CCNY: variants seen among roughly 807,000 people sequenced by gnomAD.
The protein encoded by CCNY is cyclin-Y.
Under a neutral mutation model 42.8 loss-of-function variants are expected in CCNY, and 19 were observed. The observed-to-expected ratio is 0.44, with a 90% CI of 0.31 to 0.65. CCNY has a LOEUF of 0.65. Among genes scored for constraint, CCNY ranks in the 30% least tolerant of loss-of-function variants. The pLI is 0.07. For synonymous variants in CCNY, 165 were observed against 162.7 expected (o/e 1.01, Z -0.11); for missense variants, 370 against 437.3 (o/e 0.85, Z 1.37).
intron 8 of CCNY, among the ~76,000 whole-genome samples, chr10:35,553,540 A>G (rs1447333559): frequency 6.6e-6 from 1 of 152,224 alleles, no homozygotes; most frequent in Non-Finnish European, 1.5e-5. Context: ...GACTGATCAC[A>G]GAGAGGTAAT....
intron 1 of CCNY, among the ~76,000 whole-genome samples, chr10:35,391,046 G>A (rs1232482524): frequency 2.0e-5 from 3 of 152,158 alleles, no homozygotes; most frequent in African/African-American, 7.2e-5. Context: ...GTTATTGTTA[G>A]AAATGAAATG....
At chr10:35,353,794 ATGTT>A (rs1836480504) in intron 1 of CCNY, among the ~76,000 whole-genome samples, 1 of 152,252 alleles carries the variant, frequency 6.6e-6, no homozygotes, top group African/African-American at 2.4e-5. Flanking sequence ...AGTAAGAATT[ATGTT>A]TTAGGGAATT....
chr10:35,465,548 C>T (rs1589137974), intron 1 of CCNY, among the ~76,000 whole-genome samples: 1 of 152,186 alleles, frequency 6.6e-6, no homozygotes, highest in Admixed American at 6.5e-5. Flanking sequence ...AAAAGTACAA[C>T]TTCTTGTTCT....
chr10:35,433,152 C>T (rs914626777), intron 1 of CCNY, among the ~76,000 whole-genome samples: 1 of 152,058 alleles, frequency 6.6e-6, no homozygotes, highest in Non-Finnish European at 1.5e-5. Flanking sequence ...AAAGACCAGC[C>T]TGGGCAACAT....
chr10:35,257,093 A>G (rs1031182888), intron 3 of CCNY, among the ~76,000 whole-genome samples: 1 of 152,078 alleles, frequency 6.6e-6, no homozygotes, highest in East Asian at 1.9e-4. Context: ...TTGTTTCTCC[A>G]TATGGCTTCC....
At chr10:35,489,293 TTTTTG>T (rs199737189) in intron 2 of CCNY, among the ~76,000 whole-genome samples, 6 of 152,222 alleles carry the variant, frequency 3.9e-5, no homozygotes, top group African/African-American at 1.2e-4. Context: ...AAGCCTTTGT[TTTTTG>T]TTTTGTTTTG....
chr10:35,423,491 T>A (rs1218494937), intron 1 of CCNY, among the ~76,000 whole-genome samples: 1 of 148,866 alleles, frequency 6.7e-6, no homozygotes, highest in Admixed American at 6.7e-5. Flanking sequence ...AAAAAAAAAA[T>A]TCTGCTGAAA....
intron 3 of CCNY, among the ~76,000 whole-genome samples, chr10:35,281,608 C>A (rs1485689247): frequency 6.6e-6 from 1 of 152,060 alleles, no homozygotes; most frequent in East Asian, 1.9e-4. Flanking sequence ...TGGCCTTGTA[C>A]AGGAATTTTC....
chr10:35,488,424 G>C (rs1564431273), intron 2 of CCNY, among the ~76,000 whole-genome samples: 1 of 152,102 alleles, frequency 6.6e-6, no homozygotes. Flanking sequence ...TCCGAGCGCT[G>C]CCATGGCCTT....
intron 7 of CCNY, among the ~76,000 whole-genome samples, chr10:35,543,799 T>C (rs1841054541): frequency 1.3e-5 from 2 of 152,212 alleles, no homozygotes; most frequent in African/African-American, 4.8e-5. Flanking sequence ...GTGTGTATTA[T>C]TGCCTCTGGA....
At position 35,565,036 on chromosome 10, in the gene CCNY, CTGAG is replaced by C. The variant is rs1449308849; in HGVS notation, c.747-984_747-981del. ...GCTTCCTGGGGAGAACGTGCTGAATCTGAGTGCATGACCCAGGACCAGTGCTCCA... is the reference window on the plus strand; with the variant it reads ...GCTTCCTGGGGAGAACGTGCTGAATCTGCATGACCCAGGACCAGTGCTCCA... On this transcript the variant is annotated intron_variant, in intron 8 of 9. Coordinates refer to ENST00000374704, the MANE Select transcript of CCNY (RefSeq NM_145012.6). 2.0e-5 allele frequency among the ~76,000 whole-genome samples: 3 copies of C among 152,204 alleles called. No homozygotes were observed. In the East Asian group the frequency reaches 5.8e-4, roughly 29 times the overall value.
intron 1 of CCNY, among the ~76,000 whole-genome samples, chr10:35,349,871 G>A (rs577020774): frequency 6.6e-6 from 1 of 152,350 alleles, no homozygotes; most frequent in South Asian, 2.1e-4. Context: ...GAAAATCAGT[G>A]CCTTACAGGC....
chr10:35,370,204 G>A lies in CCNY; in HGVS notation c.154+32997G>A, dbSNP rs573119221. Among the ~76,000 whole-genome samples, 62 of 151,776 alleles carry A rather than the reference G, an allele frequency of 4.1e-4. 1 individual carries two copies. Among genetic ancestry groups the A allele is most frequent in the Admixed American group, 7.9e-4 (12 of 15,250 alleles). On this transcript the variant is annotated intron_variant, in intron 1 of 9. Transcript: ENST00000374704. Reference sequence around the variant, plus strand: ...TCTCACATTGTTGCCCAGGCTGGAGGGCCGTGGCACGATCTCGGCTCACTG... The same window carrying A: ...TCTCACATTGTTGCCCAGGCTGGAGAGCCGTGGCACGATCTCGGCTCACTG...
At chr10:35,532,486 G>A (rs191467177) in intron 7 of CCNY, among the ~76,000 whole-genome samples, 18 of 152,340 alleles carry the variant, frequency 1.2e-4, no homozygotes, top group African/African-American at 3.4e-4. Context: ...TTCACCCAAA[G>A]CAAATATTTC....
intron 2 of CCNY, among the ~76,000 whole-genome samples, chr10:35,500,570 C>G (rs1253165961): frequency 1.3e-5 from 2 of 152,150 alleles, no homozygotes; most frequent in Non-Finnish European, 2.9e-5. Context: ...ATTGTTGATT[C>G]CTGGGGACCT....
intron 3 of CCNY, among the ~76,000 whole-genome samples, chr10:35,321,736 C>T (rs1336654046): frequency 2.6e-5 from 4 of 152,100 alleles, no homozygotes; most frequent in Admixed American, 2.6e-4. Flanking sequence ...TATATAAAAA[C>T]ACAAAGGACT....
At chr10:35,263,050 T>C (rs2095721403) in intron 3 of CCNY, among the ~76,000 whole-genome samples, 1 of 152,038 alleles carries the variant, frequency 6.6e-6, no homozygotes, top group Non-Finnish European at 1.5e-5. Context: ...AATGAGACCC[T>C]GTCTCTACAA....
chr10:35,281,321 CAG>C (rs1223855285), intron 3 of CCNY, among the ~76,000 whole-genome samples: 2 of 151,964 alleles, frequency 1.3e-5, no homozygotes, highest in Non-Finnish European at 2.9e-5. Flanking sequence ...TTTGTTGAGA[CAG>C]AGTCTGACTC....
At chr10:35,424,249 G>A (rs1296660649) in intron 1 of CCNY, among the ~76,000 whole-genome samples, 2 of 152,050 alleles carry the variant, frequency 1.3e-5, no homozygotes, top group East Asian at 3.9e-4. Context: ...TTTTTGAGAC[G>A]GAGTTTCACT....
Sources: allele counts gnomAD v4.1 joint callset (sites outside exome capture counted in the v4.1 genomes callset), GRCh38; gene constraint gnomAD v4.1.1; transcripts MANE v1.5; gene names NCBI Gene and HGNC (gene_info 2026-07-23, HGNC 2026-07-21).